MGMT: variants seen among roughly 807,000 people sequenced by gnomAD.
MGMT encodes the protein methylated-DNA--protein-cysteine methyltransferase.
Under a neutral mutation model 15.9 loss-of-function variants are expected in MGMT, and 14 were observed. The ratio of observed to expected loss-of-function variants is 0.88; its 90% CI spans 0.58 to 1.37. MGMT has a LOEUF of 1.37. Among genes scored for constraint, MGMT ranks in the 40% most tolerant of loss-of-function variants. MGMT has a pLI of 0.00. For synonymous variants in MGMT, 130 were observed against 118.2 expected, an observed-to-expected ratio of 1.10 and a Z score of -0.65; for missense variants, 282 against 268.1, an observed-to-expected ratio of 1.05 and a Z score of -0.36.
chr10:129,633,378 A>C (rs1038844848), intron 2 of MGMT, among the ~76,000 whole-genome samples: 1 of 152,218 alleles, frequency 6.6e-6, no homozygotes, highest in Non-Finnish European at 1.5e-5. Context: ...CGTTAAGTGA[A>C]AAAGCAGAGT....
At chr10:129,589,141 A>G (rs749638161) in intron 2 of MGMT, among the ~76,000 whole-genome samples, 1 of 152,234 alleles carries the variant, frequency 6.6e-6, no homozygotes, top group African/African-American at 2.4e-5. Context: ...AGGGAGTACA[A>G]TCTGGCTGAA....
chr10:129,629,971 C>T (rs1420119944), intron 2 of MGMT, among the ~76,000 whole-genome samples: 1 of 152,216 alleles, frequency 6.6e-6, no homozygotes, highest in African/African-American at 2.4e-5. Flanking sequence ...AGCATGTCAG[C>T]CGCCAAGGCC....
chr10:129,504,223 G>A (rs1427372894), intron 1 of MGMT, among the ~76,000 whole-genome samples: 1 of 152,260 alleles, frequency 6.6e-6, no homozygotes, highest in Admixed American at 6.5e-5. Context: ...GAACACAGCA[G>A]CTGCAAATGG....
chr10:129,759,373 G>T (rs373086303), intron 4 of MGMT, 32 bp downstream of exon 4: 1 of 1,613,444 alleles, frequency 6.2e-7, no homozygotes, highest in African/African-American at 1.3e-5. Flanking sequence ...ATGGCTGTGG[G>T]TGGCGGGTGC....
At chr10:129,666,348 A>C (rs1390929215) in intron 2 of MGMT, among the ~76,000 whole-genome samples, 1 of 152,214 alleles carries the variant, frequency 6.6e-6, no homozygotes, top group Non-Finnish European at 1.5e-5. Flanking sequence ...TTGGGATCAC[A>C]ATGAATTTCT....
At chr10:129,681,163 G>T (rs1431972855) in intron 2 of MGMT, among the ~76,000 whole-genome samples, 2 of 152,198 alleles carry the variant, frequency 1.3e-5, no homozygotes, top group Admixed American at 1.3e-4. Context: ...TCCACCTGTG[G>T]CCGTAGCACC....
intron 2 of MGMT, among the ~76,000 whole-genome samples, chr10:129,599,059 T>C (rs1846786326): frequency 6.6e-6 from 1 of 152,232 alleles, no homozygotes; most frequent in South Asian, 2.1e-4. Context: ...AGGAGTTTAA[T>C]TGAGCAACGA....
chr10:129,640,020 T>C (rs977217108), intron 2 of MGMT, among the ~76,000 whole-genome samples: 5 of 149,230 alleles, frequency 3.4e-5, no homozygotes, highest in Non-Finnish European at 7.4e-5. Context: ...CTACAAAACA[T>C]ACTGACACTG....
At chr10:129,507,043 C>T (rs866470990) in intron 1 of MGMT, among the ~76,000 whole-genome samples, 1 of 152,200 alleles carries the variant, frequency 6.6e-6, no homozygotes, top group Non-Finnish European at 1.5e-5. Flanking sequence ...TTCCCTGTGT[C>T]TAAAGTGGGG....
intron 3 of MGMT, among the ~76,000 whole-genome samples, chr10:129,719,453 A>G (rs1483349566): frequency 6.6e-6 from 1 of 152,184 alleles, no homozygotes; most frequent in East Asian, 1.9e-4. Flanking sequence ...CTTATACAAC[A>G]GAAATCTTTC....
intron 2 of MGMT, among the ~76,000 whole-genome samples, chr10:129,605,811 A>G (rs1166123168): frequency 6.6e-6 from 1 of 151,926 alleles, no homozygotes; most frequent in Admixed American, 6.5e-5. Context: ...GTGTTACTCA[A>G]CTGGTATGTG....
intron 2 of MGMT, among the ~76,000 whole-genome samples, chr10:129,706,555 A>G (rs981774549): frequency 4.6e-5 from 7 of 151,836 alleles, no homozygotes; most frequent in African/African-American, 1.7e-4. Flanking sequence ...GCAGAAGGAA[A>G]CTAGAAAACT....
At chr10:129,576,195 A>G (rs1322360031) in intron 2 of MGMT, among the ~76,000 whole-genome samples, 1 of 152,254 alleles carries the variant, frequency 6.6e-6, no homozygotes, top group East Asian at 1.9e-4. Context: ...TGAGGCCAGC[A>G]TCATCCTGAT....
At chr10:129,664,663 G>A (rs1253351278) in intron 2 of MGMT, among the ~76,000 whole-genome samples, 1 of 152,162 alleles carries the variant, frequency 6.6e-6, no homozygotes, top group Admixed American at 6.6e-5. Context: ...ATTCCAGGAT[G>A]GGGGCAGCAA....
chr10:129,717,099 T>C (rs923463886), intron 3 of MGMT, among the ~76,000 whole-genome samples: 1 of 152,206 alleles, frequency 6.6e-6, no homozygotes, highest in African/African-American at 2.4e-5. Flanking sequence ...GCAGGTAATC[T>C]ACAGAGAATT....
chr10:129,685,664 G>C (rs1847897153), intron 2 of MGMT, among the ~76,000 whole-genome samples: 1 of 152,208 alleles, frequency 6.6e-6, no homozygotes, highest in Admixed American at 6.5e-5. Flanking sequence ...GGTGTTTTCA[G>C]AACAGTGAAT....
intron 2 of MGMT, among the ~76,000 whole-genome samples, chr10:129,607,509 T>G (rs1846906174): frequency 6.6e-6 from 1 of 152,230 alleles, no homozygotes; most frequent in African/African-American, 2.4e-5. Flanking sequence ...GAGTAACTTG[T>G]GTGTAATTTC....
At chr10:129,640,462 A>G (rs1485739941) in intron 2 of MGMT, among the ~76,000 whole-genome samples, 3 of 152,210 alleles carry the variant, frequency 2.0e-5, no homozygotes, top group African/African-American at 7.2e-5. Flanking sequence ...TAAATCTATC[A>G]TAATAATTGA....
chr10:129,508,237 G>T (rs1478973121), intron 1 of MGMT, among the ~76,000 whole-genome samples: 1 of 152,084 alleles, frequency 6.6e-6, no homozygotes, highest in African/African-American at 2.4e-5. Context: ...CACCACTCCA[G>T]CCCGCCTGGA....
Sources: gnomAD v4.1 joint callset for allele counts (sites outside exome capture counted in the v4.1 genomes callset) on GRCh38, gnomAD v4.1.1 for gene constraint, MANE v1.5 for transcripts, NCBI Gene and HGNC (gene_info 2026-07-23, HGNC 2026-07-21) for gene names.